The following CSRNP3 variants were observed in gnomAD, a reference collection of about 807,000 sequenced individuals.
CSRNP3 encodes the protein cysteine/serine-rich nuclear protein 3.
Under a neutral mutation model 48.0 loss-of-function variants are expected in CSRNP3, and 12 were observed. That is an observed-to-expected ratio of 0.25 (90% CI 0.16 to 0.41). The LOEUF is 0.41. Among genes scored for constraint, CSRNP3 ranks in the 10% least tolerant of loss-of-function variants. The pLI, the probability that CSRNP3 is intolerant of heterozygous loss-of-function variation, is 1.00. For synonymous variants in CSRNP3, 263 were observed against 269.7 expected (o/e 0.98, Z 0.24); for missense variants, 580 against 724.4 (o/e 0.80, Z 2.29).
chr2:165,648,291 G>C (rs1171205229), intron 4 of CSRNP3, among the ~76,000 whole-genome samples: 1 of 151,954 alleles, frequency 6.6e-6, no homozygotes, highest in Non-Finnish European at 1.5e-5. Flanking sequence ...TCACTCAGTG[G>C]TACAATTTTA....
chr2:165,517,699 C>G (rs1322240792), intron 2 of CSRNP3, among the ~76,000 whole-genome samples, 174 bp from the exon 3 acceptor site: 1 of 151,786 alleles, frequency 6.6e-6, no homozygotes, highest in Non-Finnish European at 1.5e-5. Context: ...AAAAAATTTT[C>G]TTTGCTAAAT....
At chr2:165,608,077 A>G (rs767622226) in intron 4 of CSRNP3, among the ~76,000 whole-genome samples, 1 of 150,550 alleles carries the variant, frequency 6.6e-6, no homozygotes, top group Non-Finnish European at 1.5e-5. Flanking sequence ...CCACGTATAT[A>G]TATATTATAT....
chr2:165,666,481 G>T (rs1687207327), intron 5 of CSRNP3, among the ~76,000 whole-genome samples: 1 of 48,042 alleles, frequency 2.1e-5, no homozygotes, highest in African/African-American at 5.3e-5. Flanking sequence ...AAGAAAGACA[G>T]AGAGGAAGGA....
intron 3 of CSRNP3, among the ~76,000 whole-genome samples, chr2:165,576,406 G>T (rs1685451508): frequency 2.0e-5 from 3 of 152,008 alleles, no homozygotes; most frequent in African/African-American, 7.2e-5. Context: ...CATTTAGGTA[G>T]TCCAGTACTT....
intron 5 of CSRNP3, among the ~76,000 whole-genome samples, chr2:165,660,310 T>C (rs1023429159): frequency 9.2e-5 from 14 of 152,206 alleles, no homozygotes; most frequent in African/African-American, 3.4e-4. Context: ...GGTAAATTAT[T>C]AGAACATGTT....
chr2:165,668,137 C>T (rs1687266182), intron 5 of CSRNP3, among the ~76,000 whole-genome samples: 1 of 152,144 alleles, frequency 6.6e-6, no homozygotes, highest in African/African-American at 2.4e-5. Flanking sequence ...AGTCTTACAA[C>T]ACTAGACCAC....
At chr2:165,520,394 C>T (rs1378442379) in intron 3 of CSRNP3, among the ~76,000 whole-genome samples, 1 of 152,018 alleles carries the variant, frequency 6.6e-6, no homozygotes, top group African/African-American at 2.4e-5. Flanking sequence ...GTCATTCGGT[C>T]TTGACTTTAC....
chr2:165,618,546 A>G (rs1427791334), intron 4 of CSRNP3, among the ~76,000 whole-genome samples: 3 of 152,222 alleles, frequency 2.0e-5, no homozygotes, highest in Non-Finnish European at 2.9e-5. Flanking sequence ...TTGAGGAGCA[A>G]TAGCAACAGA....
At chr2:165,486,284 G>C (rs368970968) in intron 1 of CSRNP3, among the ~76,000 whole-genome samples, 4 of 152,048 alleles carry the variant, frequency 2.6e-5, no homozygotes, top group African/African-American at 9.7e-5. Context: ...CACCTGGCTC[G>C]GAGGGTCCTA....
intron 4 of CSRNP3, among the ~76,000 whole-genome samples, chr2:165,649,802 T>C (rs1686875452): frequency 6.6e-6 from 1 of 152,194 alleles, no homozygotes; most frequent in Non-Finnish European, 1.5e-5. Flanking sequence ...TTGTTGTCCT[T>C]TAGGTACATT....
rs1687576397 is a variant in CSRNP3, at chr2:165,683,262, C to T, written c.*3509C>T. 6.6e-6 allele frequency: 1 copy of T among 152,032 alleles called. No homozygotes were observed. The highest frequency in any genetic ancestry group is 1.5e-5 in the Non-Finnish European group (1 of 67,988). 9.4% of individuals were successfully genotyped at this position (152,032 alleles called of 1,614,324 possible). ...CATTTCTTTGTGATAAAACCATTTTCTCAATGTGACAGCCACATGTAAAAT... is the reference window on the plus strand; with the variant it reads ...CATTTCTTTGTGATAAAACCATTTTTTCAATGTGACAGCCACATGTAAAAT... On this transcript the variant is annotated 3_prime_UTR_variant, in exon 7 of 7. Coordinates refer to ENST00000651982, the MANE Select transcript of CSRNP3 (RefSeq NM_001172173.2).
chr2:165,657,630 A>T, intron 4 of CSRNP3, 131 bp from the exon 5 acceptor site: 1 of 1,020,620 alleles, frequency 9.8e-7, no homozygotes, highest in Non-Finnish European at 1.5e-6. Context: ...TCTGGGATAT[A>T]ACAGTTTTAG....
In CSRNP3 at chr2:165,490,402, C is replaced by G. The variant is rs200354893; in HGVS notation, c.-282-4357C>G. Among the ~76,000 whole-genome samples the G allele has an allele frequency of 6.0e-3, 834 of 139,222 alleles. 33 individuals carry two copies. In the East Asian group the frequency reaches 0.087, roughly 15 times the overall value. 91.3% of individuals were successfully genotyped at this position (139,222 alleles called of 152,430 possible). On this transcript the variant is annotated intron_variant, in intron 1 of 6. Coordinates refer to ENST00000651982, the MANE Select transcript of CSRNP3 (RefSeq NM_001172173.2). ...GGTAATTTACAGATTCAATGCCATC[C>G]CCATCAAGCTACCAATGACTTTCTT...
intron 3 of CSRNP3, among the ~76,000 whole-genome samples, chr2:165,521,291 T>C (rs926037487): frequency 3.3e-5 from 5 of 152,290 alleles, no homozygotes; most frequent in South Asian, 4.1e-4. Context: ...CAAACCAATA[T>C]TGAGCTTTGT....
At chr2:165,571,182 T>C (rs1685368492) in intron 3 of CSRNP3, among the ~76,000 whole-genome samples, 1 of 151,944 alleles carries the variant, frequency 6.6e-6, no homozygotes, top group Admixed American at 6.6e-5. Context: ...ACTATATATC[T>C]AACTACTCAG....
intron 4 of CSRNP3, among the ~76,000 whole-genome samples, chr2:165,600,203 G>A (rs13396112): frequency 0.43 from 54,216 of 125,522 alleles, 10,548 homozygotes; most frequent in Middle Eastern, 0.51. Context: ...TTGTTCTTGC[G>A]ATAGTTTACT....
chr2:165,498,345 T>G (rs1326495832), intron 2 of CSRNP3, among the ~76,000 whole-genome samples: 1 of 152,088 alleles, frequency 6.6e-6, no homozygotes, highest in Non-Finnish European at 1.5e-5. Context: ...CCTTTGTATA[T>G]TCCACTTTTG....
At chr2:165,587,729 G>A (rs978869954) in intron 3 of CSRNP3, among the ~76,000 whole-genome samples, 3 of 152,192 alleles carry the variant, frequency 2.0e-5, no homozygotes, top group African/African-American at 7.2e-5. Context: ...TTTTGCTTAA[G>A]TTAGTCTAGA....
intron 4 of CSRNP3, among the ~76,000 whole-genome samples, chr2:165,613,796 C>T: frequency 6.6e-6 from 1 of 152,132 alleles, no homozygotes; most frequent in East Asian, 1.9e-4. Flanking sequence ...ATTTTGGTTA[C>T]TACAGCTTTG....
Sources: allele counts gnomAD v4.1 joint callset (sites outside exome capture counted in the v4.1 genomes callset), GRCh38; gene constraint gnomAD v4.1.1; transcripts MANE v1.5; gene names NCBI Gene and HGNC (gene_info 2026-07-23, HGNC 2026-07-21).